Variants in RAB3B observed in about 807,000 individuals in gnomAD.
RAB3B encodes the protein ras-related protein Rab-3B.
Under a neutral mutation model 20.5 loss-of-function variants are expected in RAB3B, and 11 were observed. The observed-to-expected ratio is 0.54, with a 90% CI of 0.34 to 0.89. The LOEUF (loss-of-function observed/expected upper bound fraction) is 0.89, where lower values mean the gene tolerates loss of function less well. Among genes scored for constraint, RAB3B ranks in the 40% least tolerant of loss-of-function variants. The pLI, the probability that RAB3B is intolerant of heterozygous loss-of-function variation, is 0.02. For synonymous variants in RAB3B, 99 were observed against 106.3 expected (o/e 0.93, Z 0.42); for missense variants, 225 against 280.9 (o/e 0.80, Z 1.42).
At chr1:51,949,808 G>A (rs139605200) in intron 2 of RAB3B, among the ~76,000 whole-genome samples, 31 of 152,274 alleles carry the variant, frequency 2.0e-4, no homozygotes, top group Middle Eastern at 3.4e-3. Context: ...TGCTTCTGTC[G>A]CACGGGGTGG....
Position 51,919,811 on chromosome 1 carries a change from C to T in RAB3B, c.*116G>A. 2 of 1,074,014 alleles carry T rather than the reference C, an allele frequency of 1.9e-6. No homozygotes were observed. The highest frequency in any genetic ancestry group is 2.6e-6 in the Non-Finnish European group (2 of 759,778). 66.5% of individuals were successfully genotyped at this position (1,074,014 alleles called of 1,614,324 possible). ...AAGAATAGCAGCAACTCATCTTGCT[C>T]TGAGTGTGGGCAGTGTGTAACAGGG... On this transcript the variant is annotated 3_prime_UTR_variant, in exon 5 of 5. Coordinates refer to ENST00000371655, the MANE Select transcript of RAB3B (RefSeq NM_002867.4).
Position 51,937,495 on chromosome 1 carries a change from C to A in RAB3B, c.229-83G>T, listed in dbSNP as rs562248175. 1.9e-5 allele frequency: 18 copies of A among 953,300 alleles called. No homozygotes were observed. The South Asian group carries it at 3.3e-4, about 18-fold the overall frequency. 59.1% of individuals were successfully genotyped at this position (953,300 alleles called of 1,614,324 possible). ...GTCCCCAGGACAATTAACTAATAACCCAAGACATTTTTTTTTTTTGAGATG... is the reference window on the plus strand; with the variant it reads ...GTCCCCAGGACAATTAACTAATAACACAAGACATTTTTTTTTTTTGAGATG... On this transcript the variant is annotated intron_variant, in intron 2 of 4. Coordinates refer to ENST00000371655, the MANE Select transcript of RAB3B (RefSeq NM_002867.4).
chr1:51,980,443 A>G (rs113153062), intron 1 of RAB3B: 6,858 of 521,258 alleles, frequency 0.013, 119 homozygotes, highest in African/African-American at 0.059. Flanking sequence ...AAAAAAAAAA[A>G]ACCTCCTCTC....
At chr1:51,968,252 T>G (rs1487379291) in intron 2 of RAB3B, among the ~76,000 whole-genome samples, 2 of 152,204 alleles carry the variant, frequency 1.3e-5, no homozygotes, top group East Asian at 3.9e-4. Context: ...AACTGTGAGA[T>G]AGTAAGTTTG....
At chr1:51,942,830 T>C (rs150766466) in intron 2 of RAB3B, among the ~76,000 whole-genome samples, 10 of 152,330 alleles carry the variant, frequency 6.6e-5, no homozygotes, top group African/African-American at 2.4e-4. Flanking sequence ...CATGTCTCTG[T>C]GTCACATTTT....
rs746898343 is a variant in RAB3B, at chr1:51,971,235, CA to C, written c.228+5654del. 4.1e-3 allele frequency among the ~76,000 whole-genome samples: 569 copies of C among 137,702 alleles called. 2 individuals are homozygous for C. The highest frequency in any genetic ancestry group is 0.019 in the East Asian group (93 of 4,822). The allele number at this position is 137,702 out of a possible 152,430, so 90.3% of individuals were successfully genotyped here. On this transcript the variant is annotated intron_variant, in intron 2 of 4. Transcript: ENST00000371655. ...AGTGATTTATCAAAGCTCACAAAAC[CA>C]AAAAAAAAAAAATCACAAAACTTTT...
In RAB3B at chr1:51,921,931, A is replaced by G. The variant is rs555645190; in HGVS notation, c.473-1817T>C. ...GAGGGCTGAAGCCCCCCAGGTATAA[A>G]CAAGGCCTCTCTTTTCCCAGCCTTT... On this transcript the variant is annotated intron_variant, in intron 4 of 4. Transcript: ENST00000371655. Among the ~76,000 whole-genome samples, 222 of 152,280 alleles carry G rather than the reference A, an allele frequency of 1.5e-3. 1 individual carries two copies. Among genetic ancestry groups the G allele is most frequent in the South Asian group, 4.1e-3 (20 of 4,832 alleles).
intron 4 of RAB3B, among the ~76,000 whole-genome samples, chr1:51,924,455 G>A (rs1411466887): frequency 6.6e-6 from 1 of 152,154 alleles, no homozygotes; most frequent in Non-Finnish European, 1.5e-5. Context: ...GTGAGCACAG[G>A]CATGTCTAGC....
intron 1 of RAB3B, among the ~76,000 whole-genome samples, chr1:51,978,046 TTC>T (rs113342692): frequency 0.018 from 2,701 of 152,334 alleles, 89 homozygotes; most frequent in East Asian, 0.13. Flanking sequence ...CTGCCTAGAA[TTC>T]TCTTTTCCTC....
chr1:51,954,166 T>C (rs1684676134), intron 2 of RAB3B, among the ~76,000 whole-genome samples: 1 of 152,232 alleles, frequency 6.6e-6, no homozygotes, highest in East Asian at 1.9e-4. Flanking sequence ...TGAGAGTGCC[T>C]GACACGTGGT....
At chr1:51,951,418 T>C (rs1009618283) in intron 2 of RAB3B, among the ~76,000 whole-genome samples, 1 of 152,178 alleles carries the variant, frequency 6.6e-6, no homozygotes, top group Non-Finnish European at 1.5e-5. Flanking sequence ...CAAGGCCACA[T>C]AGCTCTTTAT....
intron 2 of RAB3B, among the ~76,000 whole-genome samples, chr1:51,971,028 A>T (rs907843317): frequency 6.6e-6 from 1 of 150,454 alleles, no homozygotes; most frequent in Non-Finnish European, 1.5e-5. Flanking sequence ...AAAAAAAAAA[A>T]AAAAAGAAAG....
intron 2 of RAB3B, among the ~76,000 whole-genome samples, chr1:51,958,813 AG>A (rs754255144): frequency 4.6e-5 from 7 of 152,150 alleles, no homozygotes; most frequent in Non-Finnish European, 8.8e-5. Flanking sequence ...ACTGAGGGGC[AG>A]AACTGATAGG....
At chr1:51,929,953 A>G (rs1684299987) in intron 4 of RAB3B, among the ~76,000 whole-genome samples, 1 of 152,202 alleles carries the variant, frequency 6.6e-6, no homozygotes. Flanking sequence ...TATCTACCCT[A>G]TGCTGGGTCC....
intron 2 of RAB3B, among the ~76,000 whole-genome samples, chr1:51,950,788 T>C (rs1354064650): frequency 3.3e-5 from 5 of 152,138 alleles, no homozygotes; most frequent in African/African-American, 7.2e-5. Flanking sequence ...AGGCAGGTAA[T>C]GAGAACTTTC....
intron 2 of RAB3B, chr1:51,973,338 A>G (rs1684962073): frequency 6.6e-6 from 1 of 152,204 alleles, no homozygotes; most frequent in South Asian, 2.1e-4. Context: ...TTTGCTGCAT[A>G]AAAGCACATA....
intron 2 of RAB3B, among the ~76,000 whole-genome samples, chr1:51,943,022 C>G (rs546352932): frequency 6.6e-6 from 1 of 152,126 alleles, no homozygotes; most frequent in African/African-American, 2.4e-5. Flanking sequence ...GCCATTCCCC[C>G]ATCTCTCCCT....
intron 2 of RAB3B, among the ~76,000 whole-genome samples, chr1:51,976,151 AATTT>A (rs113552260): frequency 1.6e-4 from 24 of 150,548 alleles, no homozygotes; most frequent in African/African-American, 2.5e-4. Context: ...TGACACTACC[AATTT>A]ATTTATTTAT....
chr1:51,919,507 G>C lies in RAB3B; in HGVS notation c.*420C>G, dbSNP rs937512802. On this transcript the variant is annotated 3_prime_UTR_variant, in exon 5 of 5. Transcript: ENST00000371655. ...AGGAAACAAGCACGTTGTGCTTTGA[G>C]AAGTTGTCTTTAACAGGATTAGCTA... 1.9e-5 allele frequency: 3 copies of C among 156,112 alleles called. No individual in the cohort carries two copies. The highest frequency in any genetic ancestry group is 7.2e-5 in the African/African-American group (3 of 41,636). 9.7% of individuals were successfully genotyped at this position (156,112 alleles called of 1,614,324 possible).
Sources: gnomAD v4.1 joint callset for allele counts (sites outside exome capture counted in the v4.1 genomes callset) on GRCh38, gnomAD v4.1.1 for gene constraint, MANE v1.5 for transcripts, NCBI Gene and HGNC (gene_info 2026-07-23, HGNC 2026-07-21) for gene names.